The following GLG1 variants were observed in gnomAD, a reference collection of about 807,000 sequenced individuals.
The protein encoded by GLG1 is Golgi apparatus protein 1.
A neutral mutation model predicts 160.5 loss-of-function variants in GLG1; 38 were observed. The ratio of observed to expected loss-of-function variants is 0.24; its 90% CI spans 0.18 to 0.31. The LOEUF is 0.31. Ranked by LOEUF, GLG1 falls within the 10% of genes least tolerant of loss-of-function variation. The pLI is 1.00. For missense variants in GLG1, 1,373 were observed against 1,505.2 expected, an observed-to-expected ratio of 0.91 and a Z score of 1.45; for synonymous variants, 644 against 543.4, an observed-to-expected ratio of 1.19 and a Z score of -2.57.
At chr16:74,569,576 A>G (rs897299570) in intron 1 of GLG1, among the ~76,000 whole-genome samples, 6 of 152,060 alleles carry the variant, frequency 3.9e-5, no homozygotes, top group African/African-American at 9.7e-5. Context: ...TCAAAATGCA[A>G]TAGTGCCATG....
At chr16:74,504,920 A>G (rs2016541862) in intron 3 of GLG1, among the ~76,000 whole-genome samples, 1 of 152,246 alleles carries the variant, frequency 6.6e-6, no homozygotes, top group Non-Finnish European at 1.5e-5. Flanking sequence ...TAATAGAATT[A>G]TAAGCTTAAA....
intron 25 of GLG1, among the ~76,000 whole-genome samples, chr16:74,453,987 T>G (rs1261363230): frequency 6.6e-6 from 1 of 151,202 alleles, no homozygotes; most frequent in African/African-American, 2.4e-5. Flanking sequence ...TTCTCCTCCC[T>G]CACCCACATG....
chr16:74,596,397 C>T (rs1390012280), intron 1 of GLG1, among the ~76,000 whole-genome samples: 5 of 151,798 alleles, frequency 3.3e-5, no homozygotes, highest in East Asian at 1.9e-4. Flanking sequence ...GAAGTGGTGG[C>T]GTGTGCCTGT....
intron 1 of GLG1, among the ~76,000 whole-genome samples, chr16:74,567,994 G>A (rs1363680373): frequency 6.6e-6 from 1 of 152,220 alleles, no homozygotes; most frequent in African/African-American, 2.4e-5. Context: ...TAGAGCAAAT[G>A]AGTCCACATA....
At chr16:74,543,453 G>A (rs2017960495) in intron 1 of GLG1, among the ~76,000 whole-genome samples, 1 of 152,040 alleles carries the variant, frequency 6.6e-6, no homozygotes, top group Non-Finnish European at 1.5e-5. Context: ...ACTCCAGCCT[G>A]GACAACACAG....
chr16:74,529,985 T>A (rs2017481114), intron 2 of GLG1, among the ~76,000 whole-genome samples: 2 of 151,790 alleles, frequency 1.3e-5, no homozygotes, highest in South Asian at 4.2e-4. Flanking sequence ...CTAATTTTTT[T>A]ATTTTTAGTA....
rs769084109 is a variant in GLG1, at chr16:74,602,984, A to G, written c.438+3673T>C. ...AAGACCAGCCTGGCCAAGGTGATGA[A>G]GAGGCTGAGACAGGAGAATCACTTG... On this transcript the variant is annotated intron_variant, in intron 1 of 25. Coordinates refer to ENST00000422840, the MANE Select transcript of GLG1 (RefSeq NM_001145667.2). Among the ~76,000 whole-genome samples, 124 of 150,340 alleles carry G rather than the reference A, an allele frequency of 8.2e-4. 1 individual carries two copies. The highest frequency in any genetic ancestry group is 1.6e-3 in the Non-Finnish European group (111 of 67,678).
intron 1 of GLG1, among the ~76,000 whole-genome samples, chr16:74,564,177 C>T (rs1264396978): frequency 1.3e-5 from 2 of 152,194 alleles, no homozygotes; most frequent in African/African-American, 2.4e-5. Flanking sequence ...CTTCGGCCTT[C>T]CAAAATGCTG....
intron 4 of GLG1, among the ~76,000 whole-genome samples, chr16:74,497,516 C>T (rs558945916): frequency 6.8e-6 from 1 of 147,708 alleles, no homozygotes; most frequent in African/African-American, 2.5e-5. Context: ...CGGCTCACTG[C>T]ACGCTCCCAC....
rs192022101 is a variant in GLG1 at position 74,523,994 on chromosome 16, C to T, written c.471+8127G>A. On this transcript the variant is annotated intron_variant, in intron 2 of 25. Coordinates refer to ENST00000422840, the MANE Select transcript of GLG1 (RefSeq NM_001145667.2). ...TTGGGAGGCTGAGGTGGGCACATCA[C>T]CTGAGGTCAGGAGTTTGAGACTAGC... Among the ~76,000 whole-genome samples the T allele has an allele frequency of 1.1e-4, 17 of 152,220 alleles. No individual in the cohort carries two copies. In the East Asian group the frequency reaches 2.5e-3, roughly 23 times the overall value.
intron 2 of GLG1, among the ~76,000 whole-genome samples, chr16:74,522,128 G>A (rs945263604): frequency 1.3e-5 from 2 of 152,216 alleles, no homozygotes; most frequent in Non-Finnish European, 2.9e-5. Context: ...GCTCTCATTA[G>A]GTTAAGGGAA....
intron 1 of GLG1, among the ~76,000 whole-genome samples, chr16:74,604,569 C>A (rs1247544518): frequency 6.6e-6 from 1 of 152,224 alleles, no homozygotes; most frequent in Non-Finnish European, 1.5e-5. Flanking sequence ...CAGAAAAGTA[C>A]ATATATCTAT....
At chr16:74,523,018 C>T (rs1403561547) in intron 2 of GLG1, among the ~76,000 whole-genome samples, 2 of 152,088 alleles carry the variant, frequency 1.3e-5, no homozygotes, top group South Asian at 4.2e-4. Flanking sequence ...TTTAAGTAAC[C>T]AATTTATCAG....
intron 18 of GLG1, among the ~76,000 whole-genome samples, chr16:74,466,035 C>G (rs866331376): frequency 1.4e-4 from 22 of 152,184 alleles, no homozygotes; most frequent in African/African-American, 5.1e-4. Context: ...GCAGGCTGTG[C>G]TCCAGCCTAA....
intron 1 of GLG1, among the ~76,000 whole-genome samples, chr16:74,561,731 T>C (rs747708249): frequency 1.2e-4 from 19 of 152,198 alleles, no homozygotes; most frequent in Non-Finnish European, 2.5e-4. Flanking sequence ...AAAATTGGTA[T>C]TTAACAGGCT....
intron 1 of GLG1, among the ~76,000 whole-genome samples, chr16:74,569,195 T>A (rs1341303217): frequency 6.6e-6 from 1 of 152,238 alleles, no homozygotes; most frequent in African/African-American, 2.4e-5. Flanking sequence ...CACAGATTTG[T>A]ACTGTATGGG....
chr16:74,548,041 T>C (rs1247762186), intron 1 of GLG1, among the ~76,000 whole-genome samples: 1 of 152,238 alleles, frequency 6.6e-6, no homozygotes, highest in Non-Finnish European at 1.5e-5. Flanking sequence ...ACGATTCTCC[T>C]GCCTCAGCCT....
intron 12 of GLG1, among the ~76,000 whole-genome samples, chr16:74,475,839 T>C (rs1408116500): frequency 6.6e-6 from 1 of 151,958 alleles, no homozygotes; most frequent in Non-Finnish European, 1.5e-5. Flanking sequence ...TAAAGGAAAA[T>C]ACCCCAAACT....
In GLG1 at chr16:74,459,189, T is replaced by C. The variant is rs535014132; in HGVS notation, c.3144+493A>G. Among the ~76,000 whole-genome samples the C allele has an allele frequency of 3.3e-5, 5 of 152,224 alleles. No homozygotes were observed. The East Asian group carries it at 9.7e-4, about 29-fold the overall frequency. ...ATCAGTGAAATTCTTTTTTAAAAGG[T>C]TAATTTTGGCTGGGCGCGGTGGCTC... is the stretch of plus-strand genomic sequence containing the variant. On this transcript the variant is annotated intron_variant, in intron 23 of 25. Transcript: ENST00000422840.
Sources: allele counts gnomAD v4.1 joint callset (sites outside exome capture counted in the v4.1 genomes callset), GRCh38; gene constraint gnomAD v4.1.1; transcripts MANE v1.5; gene names NCBI Gene and HGNC (gene_info 2026-07-23, HGNC 2026-07-21).